The following SRBD1 variants were observed in gnomAD, a reference collection of about 807,000 sequenced individuals.
SRBD1 encodes S1 RNA binding domain 1.
Under a neutral mutation model 115.3 loss-of-function variants are expected in SRBD1, and 88 were observed. That is an observed-to-expected ratio of 0.76 (90% confidence interval 0.64 to 0.91). The LOEUF is 0.91. SRBD1 is among the 40% of genes least tolerant of loss of function. SRBD1 has a pLI of 0.00. For synonymous variants in SRBD1, 509 were observed against 407.7 expected (o/e 1.25, Z -2.99); for missense variants, 1,385 against 1,177.4 (o/e 1.18, Z -2.58).
At chr2:45,517,815 C>A (rs1480377232) in intron 14 of SRBD1, among the ~76,000 whole-genome samples, 2 of 151,962 alleles carry the variant, frequency 1.3e-5, no homozygotes, top group African/African-American at 4.8e-5. Context: ...GGCAACATAG[C>A]AAGATCTTGT....
chr2:45,478,176 T>C (rs1669860651), intron 15 of SRBD1, among the ~76,000 whole-genome samples: 1 of 152,162 alleles, frequency 6.6e-6, no homozygotes, highest in Admixed American at 6.5e-5. Flanking sequence ...TGTCACCTTC[T>C]CATACAGGTT....
chr2:45,499,986 G>T (rs1322291185), intron 14 of SRBD1, among the ~76,000 whole-genome samples: 2 of 151,956 alleles, frequency 1.3e-5, no homozygotes, highest in African/African-American at 4.8e-5. Context: ...GGGGTCTTTT[G>T]TTGTTTCATT....
chr2:45,501,901 C>A (rs1401567796), intron 14 of SRBD1, among the ~76,000 whole-genome samples: 1 of 152,206 alleles, frequency 6.6e-6, no homozygotes. Context: ...GAAACCTCTG[C>A]AGACTCAAAT....
At chr2:45,551,651 A>T (rs1672304638) in intron 11 of SRBD1, among the ~76,000 whole-genome samples, 1 of 152,236 alleles carries the variant, frequency 6.6e-6, no homozygotes. Flanking sequence ...GGGAGAAAAT[A>T]TCCCGGACAA....
intron 16 of SRBD1, among the ~76,000 whole-genome samples, chr2:45,444,623 G>T (rs1263141485): frequency 6.6e-6 from 1 of 152,104 alleles, no homozygotes; most frequent in Non-Finnish European, 1.5e-5. Flanking sequence ...CACTATACTG[G>T]TTCAAAGTTC....
intron 15 of SRBD1, among the ~76,000 whole-genome samples, chr2:45,480,825 G>C (rs560300907): frequency 2.0e-5 from 3 of 152,296 alleles, no homozygotes; most frequent in Middle Eastern, 3.4e-3. Flanking sequence ...TGATAAAGCA[G>C]CAGCAGCAGG....
chr2:45,581,935 G>C (rs933286175), intron 5 of SRBD1, 125 bp from the exon 6 acceptor site: 1 of 713,068 alleles, frequency 1.4e-6, no homozygotes, highest in Non-Finnish European at 2.4e-6. Flanking sequence ...TGAACTGTTT[G>C]AGAATAAGTT....
chr2:45,553,844 C>A (rs541712518), intron 10 of SRBD1, 114 bp from the exon 11 acceptor site: 6 of 511,542 alleles, frequency 1.2e-5, no homozygotes, highest in Non-Finnish European at 1.7e-5. Flanking sequence ...TTTATTGAAG[C>A]CAAAGTAACA....
chr2:45,531,517 A>G (rs1184296027), intron 14 of SRBD1, among the ~76,000 whole-genome samples: 4 of 151,240 alleles, frequency 2.6e-5, no homozygotes, highest in African/African-American at 9.7e-5. Context: ...TCTATTTTCC[A>G]CTATTCAGAT....
At chr2:45,472,004 C>G (rs1558417828) in intron 16 of SRBD1, among the ~76,000 whole-genome samples, 1 of 152,016 alleles carries the variant, frequency 6.6e-6, no homozygotes, top group Non-Finnish European at 1.5e-5. Flanking sequence ...GAAATGAAAA[C>G]ATACATAAAA....
At chr2:45,420,448 C>A in intron 16 of SRBD1, among the ~76,000 whole-genome samples, 1 of 152,262 alleles carries the variant, frequency 6.6e-6, no homozygotes, top group South Asian at 2.1e-4. Context: ...ATATGAAGCA[C>A]CATTTTATAT....
At chr2:45,547,492 A>T (rs777058892) in intron 13 of SRBD1, 30 bp downstream of exon 13, 5 of 1,592,890 alleles carry the variant, frequency 3.1e-6, no homozygotes, top group Non-Finnish European at 4.3e-6. Context: ...TGAGCCACTG[A>T]TATATTCAAA....
At chr2:45,577,803 G>A (rs1188710177) in intron 7 of SRBD1, among the ~76,000 whole-genome samples, 3 of 152,024 alleles carry the variant, frequency 2.0e-5, no homozygotes, top group East Asian at 1.9e-4. Context: ...AAGAGAAAGA[G>A]AAAACATTCC....
At chr2:45,532,565 T>A (rs968603724) in intron 14 of SRBD1, among the ~76,000 whole-genome samples, 5 of 151,812 alleles carry the variant, frequency 3.3e-5, no homozygotes, top group Non-Finnish European at 2.9e-5. Flanking sequence ...CAACTAGACC[T>A]GAGATATCTT....
At chr2:45,407,908 G>A (rs1474119277) in intron 19 of SRBD1, among the ~76,000 whole-genome samples, 4 of 151,838 alleles carry the variant, frequency 2.6e-5, no homozygotes, top group African/African-American at 9.7e-5. Context: ...AAACAAAAAA[G>A]TTGACTTTCT....
intron 15 of SRBD1, 29 bp downstream of exon 15, chr2:45,488,211 T>G (rs773762196): frequency 6.3e-7 from 1 of 1,579,350 alleles, no homozygotes; most frequent in Admixed American, 1.7e-5. Flanking sequence ...CAAAATCACA[T>G]GTTTTTGTGA....
chr2:45,592,156 C>G (rs184439872), intron 4 of SRBD1, among the ~76,000 whole-genome samples: 1 of 152,132 alleles, frequency 6.6e-6, no homozygotes, highest in South Asian at 2.1e-4. Flanking sequence ...TTTTGCCTCC[C>G]ACCATGATTC....
chr2:45,436,903 A>G (rs933242876), intron 16 of SRBD1, among the ~76,000 whole-genome samples: 1 of 152,202 alleles, frequency 6.6e-6, no homozygotes, highest in Non-Finnish European at 1.5e-5. Context: ...CCTGGAACTA[A>G]TACGTGATCA....
At chr2:45,437,313 C>T in intron 16 of SRBD1, among the ~76,000 whole-genome samples, 1 of 134,398 alleles carries the variant, frequency 7.4e-6, no homozygotes, top group South Asian at 2.4e-4. Context: ...ACTTTTAAGA[C>T]ATACTACACT....
Sources: gnomAD v4.1 joint callset for allele counts (sites outside exome capture counted in the v4.1 genomes callset) on GRCh38, gnomAD v4.1.1 for gene constraint, MANE v1.5 for transcripts, NCBI Gene and HGNC (gene_info 2026-07-23, HGNC 2026-07-21) for gene names.